The following BRD1 variants were observed in gnomAD, a reference collection of about 807,000 sequenced individuals.
BRD1 encodes bromodomain-containing protein 1.
A neutral mutation model predicts 107.7 loss-of-function variants in BRD1; 24 were observed. That is an observed-to-expected ratio of 0.22 (90% confidence interval 0.16 to 0.31). BRD1 has a LOEUF of 0.31. BRD1 is among the 10% of genes least tolerant of loss of function. The pLI is 1.00. For missense variants in BRD1, 1,279 were observed against 1,638.6 expected (o/e 0.78, Z 3.79); for synonymous variants, 744 against 686.1 (o/e 1.08, Z -1.32).
chr22:49,820,496 G>A (rs895098079), intron 2 of BRD1, among the ~76,000 whole-genome samples: 1 of 152,160 alleles, frequency 6.6e-6, no homozygotes. Flanking sequence ...AGCTGAGGCT[G>A]GGAGGAGGCT....
chr22:49,799,716 G>A (rs2147159901), intron 3 of BRD1, among the ~76,000 whole-genome samples: 1 of 152,346 alleles, frequency 6.6e-6, no homozygotes, highest in South Asian at 2.1e-4. Flanking sequence ...TCAGTGGACA[G>A]AAGAGTGCGC....
At chr22:49,816,517 G>A (rs1005029753) in intron 2 of BRD1, among the ~76,000 whole-genome samples, 4 of 152,204 alleles carry the variant, frequency 2.6e-5, no homozygotes, top group South Asian at 2.1e-4. Flanking sequence ...GGGAGACAAC[G>A]CCTCCCGACA....
At chr22:49,799,802 A>C (rs1379598903) in intron 3 of BRD1, among the ~76,000 whole-genome samples, 1 of 152,224 alleles carries the variant, frequency 6.6e-6, no homozygotes, top group Admixed American at 6.5e-5. Flanking sequence ...AGAGCCCTGC[A>C]AAGGCCATGA....
chr22:49,779,647 G>A (rs2059165746), intron 8 of BRD1, among the ~76,000 whole-genome samples: 1 of 152,122 alleles, frequency 6.6e-6, no homozygotes, highest in Non-Finnish European at 1.5e-5. Flanking sequence ...GAGCTGCCCT[G>A]GGGCTCCACA....
Position 49,783,195 on chromosome 22 carries a change from C to T in BRD1, c.2857+4195G>A, listed in dbSNP as rs1473458951. Among the ~76,000 whole-genome samples the T allele has an allele frequency of 2.0e-5, 3 of 152,306 alleles. No individual in the cohort carries two copies. Among genetic ancestry groups the T allele is most frequent in the African/African-American group, 4.8e-5 (2 of 41,550 alleles). ...AGACAGACCCAAGGCCCAGGACAGA[C>T]GCCTGCACAAGATCCCACGCACAGA... On this transcript the variant is annotated intron_variant, in intron 8 of 12. Transcript: ENST00000404760. This position sits in a 1 kb window ranked among gnomAD's most constrained non-coding sequence, Gnocchi z 4.2.
intron 2 of BRD1, among the ~76,000 whole-genome samples, chr22:49,811,544 C>T (rs1815378989): frequency 6.6e-6 from 1 of 152,168 alleles, no homozygotes; most frequent in South Asian, 2.1e-4. Context: ...AGCTGCACGG[C>T]GTGGGTGCAC....
chr22:49,814,461 C>A (rs2059912446), intron 2 of BRD1, among the ~76,000 whole-genome samples: 1 of 152,218 alleles, frequency 6.6e-6, no homozygotes, highest in Non-Finnish European at 1.5e-5. Flanking sequence ...ACAAAGCCTG[C>A]TGCCCATCGC....
At chr22:49,821,208 C>T (rs2060059916) in intron 2 of BRD1, among the ~76,000 whole-genome samples, 1 of 152,214 alleles carries the variant, frequency 6.6e-6, no homozygotes, top group Admixed American at 6.5e-5. Context: ...CCAGGCCCGG[C>T]CTCTCCCAGA....
intron 6 of BRD1, among the ~76,000 whole-genome samples, chr22:49,794,948 A>C (rs776421886): frequency 6.6e-6 from 1 of 152,236 alleles, no homozygotes; most frequent in African/African-American, 2.4e-5. Context: ...GGCCAAGAAA[A>C]GAAACTGCTC....
intron 8 of BRD1, among the ~76,000 whole-genome samples, chr22:49,782,761 G>A (rs1225507269): frequency 4.0e-5 from 5 of 123,758 alleles, no homozygotes; most frequent in Admixed American, 4.0e-4. Flanking sequence ...GGGACAGTCA[G>A]AGACAGACCC....
intron 11 of BRD1, 76 bp from the exon 12 acceptor site, chr22:49,775,821 CCCCG>C: frequency 3.0e-6 from 4 of 1,350,992 alleles, no homozygotes; most frequent in African/African-American, 2.1e-5. Flanking sequence ...TGGCACCCCC[CCCCG>C]CCTCCCCACC....
At position 49,824,321 on chromosome 22, in the gene BRD1, G is replaced by A; in HGVS notation, c.-4C>T. On this transcript the variant is annotated 5_prime_UTR_variant, in exon 2 of 13. Transcript: ENST00000404760. This position sits in a 1 kb window ranked among gnomAD's most constrained non-coding sequence, Gnocchi z 5.9. ...GACATCGTCCTTTCCTCCTCATTTG[G>A]TAATGATTACCTAAAATGAAGGCAA... is the stretch of plus-strand genomic sequence containing the variant. 1 of 1,611,212 alleles carries A rather than the reference G, an allele frequency of 6.2e-7. No individual in the cohort carries two copies. Among genetic ancestry groups the A allele is most frequent in the Non-Finnish European group, 8.5e-7 (1 of 1,178,072 alleles).
intron 2 of BRD1, among the ~76,000 whole-genome samples, chr22:49,809,535 C>T (rs930729158): frequency 3.4e-5 from 5 of 146,608 alleles, no homozygotes; most frequent in African/African-American, 1.3e-4. Context: ...AATGAGACTT[C>T]GTCTCCAAAA....
At position 49,794,122 on chromosome 22, in the gene BRD1, C is replaced by T. The variant is rs1319707741; in HGVS notation, c.2271G>A (p.Gln757=). 1 of 1,614,256 alleles carries T rather than the reference C, an allele frequency of 6.2e-7. No individual in the cohort carries two copies. The highest frequency in any genetic ancestry group is 1.3e-5 in the African/African-American group (1 of 75,080). Residue 757 remains glutamine, a synonymous_variant, in exon 7 of 13, where the codon CAG becomes CAA. Transcript: ENST00000404760. ...EIALLRNKLS[Q]QHSQPLPTGP... ...CCGTGGGCAGGGGCTGGCTGTGCTGCTGGCTCAGCTTGTTTCGGAGAAGGG... is the reference window on the plus strand; with the variant it reads ...CCGTGGGCAGGGGCTGGCTGTGCTGTTGGCTCAGCTTGTTTCGGAGAAGGG...
intron 8 of BRD1, among the ~76,000 whole-genome samples, chr22:49,786,361 C>T (rs1385314513): frequency 6.6e-6 from 1 of 152,088 alleles, no homozygotes; most frequent in Admixed American, 6.5e-5. Flanking sequence ...CTCTGAGGGG[C>T]GGGGAGCAGA....
At chr22:49,794,765 G>A (rs1187926577) in intron 6 of BRD1, among the ~76,000 whole-genome samples, 2 of 152,248 alleles carry the variant, frequency 1.3e-5, no homozygotes, top group Admixed American at 1.3e-4. Flanking sequence ...GTCCTAAGTG[G>A]TGTCTTAGCT....
chr22:49,787,963 G>T, intron 7 of BRD1, 76 bp from the exon 8 acceptor site: 1 of 1,289,144 alleles, frequency 7.8e-7, no homozygotes, highest in Non-Finnish European at 1.0e-6. Context: ...CTATAAATGT[G>T]AAGTCCACCA....
intron 10 of BRD1, among the ~76,000 whole-genome samples, chr22:49,776,824 GGA>G (rs1481987923): frequency 2.6e-5 from 4 of 152,214 alleles, no homozygotes; most frequent in African/African-American, 9.6e-5. Context: ...AAGGCAGGAT[GGA>G]GGAGGCGCCA....
At position 49,798,523 on chromosome 22, in the gene BRD1, A is replaced by G. The variant is rs201823953; in HGVS notation, c.1785+35T>C. 1.1e-4 allele frequency: 183 copies of G among 1,614,060 alleles called. No homozygotes were observed. The African/African-American group carries it at 1.7e-3, about 15-fold the overall frequency. ...CGGCAGCACAAATCCACAGTCACAC[A>G]TGCGGCAGGACAGACGAGCGCCGCA... On this transcript the variant is annotated intron_variant, in intron 5 of 12. Transcript: ENST00000404760.
Sources: gnomAD v4.1 joint callset for allele counts (sites outside exome capture counted in the v4.1 genomes callset) on GRCh38, gnomAD v4.1.1 for gene constraint, Gnocchi (gnomAD v3.1) non-coding constraint, MANE v1.5 for transcripts, NCBI Gene and HGNC (gene_info 2026-07-23, HGNC 2026-07-21) for gene names.